Variants in KCTD8 observed in about 807,000 individuals in gnomAD.
KCTD8 encodes BTB/POZ domain-containing protein KCTD8.
In KCTD8, 27 loss-of-function variants were observed where a neutral mutation model predicts 31.5. The observed-to-expected ratio is 0.86, with a 90% CI of 0.63 to 1.18. The LOEUF (loss-of-function observed/expected upper bound fraction) is 1.18, where lower values mean the gene tolerates loss of function less well. Ranked by LOEUF, KCTD8 falls within the 50% of genes most tolerant of loss-of-function variation. The probability of loss-of-function intolerance (pLI) is 0.00; values close to 1 mark genes in which losing one functional copy is unlikely to be tolerated. For missense variants in KCTD8, 658 were observed against 647.7 expected, an observed-to-expected ratio of 1.02 and a Z score of -0.17; for synonymous variants, 290 against 280.0, an observed-to-expected ratio of 1.04 and a Z score of -0.36.
intron 1 of KCTD8, among the ~76,000 whole-genome samples, chr4:44,221,419 G>T (rs1294222914): frequency 6.6e-6 from 1 of 151,966 alleles, no homozygotes; most frequent in African/African-American, 2.4e-5. Context: ...GGGTTCTCTA[G>T]AGGGACGGGA....
intron 1 of KCTD8, among the ~76,000 whole-genome samples, chr4:44,424,572 T>C (rs933803428): frequency 3.3e-5 from 5 of 151,654 alleles, no homozygotes; most frequent in Non-Finnish European, 7.4e-5. Flanking sequence ...ATGTATGAGG[T>C]TTTTCTCTCT....
chr4:44,184,197 G>A (rs1394760246), intron 1 of KCTD8, among the ~76,000 whole-genome samples: 1 of 152,174 alleles, frequency 6.6e-6, no homozygotes, highest in Non-Finnish European at 1.5e-5. Flanking sequence ...AAAATAAAAA[G>A]AGGCTGATTT....
intron 1 of KCTD8, among the ~76,000 whole-genome samples, chr4:44,227,288 A>C (rs371028464): frequency 6.6e-6 from 1 of 152,172 alleles, no homozygotes; most frequent in African/African-American, 2.4e-5. Context: ...ACCATTTATT[A>C]AATAGGGAAT....
intron 1 of KCTD8, among the ~76,000 whole-genome samples, chr4:44,403,553 G>C (rs539606673): frequency 6.6e-6 from 1 of 151,934 alleles, no homozygotes; most frequent in Non-Finnish European, 1.5e-5. Context: ...CCTTCCCTTT[G>C]GCTTTGCAAT....
intron 1 of KCTD8, among the ~76,000 whole-genome samples, chr4:44,336,781 T>C (rs1260867071): frequency 6.6e-6 from 1 of 152,092 alleles, no homozygotes; most frequent in Non-Finnish European, 1.5e-5. Flanking sequence ...AATAAATGTA[T>C]GATATCTACA....
chr4:44,430,621 T>C (rs1052687024), intron 1 of KCTD8, among the ~76,000 whole-genome samples: 24 of 151,754 alleles, frequency 1.6e-4, no homozygotes, highest in African/African-American at 5.3e-4. Context: ...TTGGTGATCC[T>C]TCTACCTAGA....
chr4:44,431,092 G>A (rs374905743), intron 1 of KCTD8, among the ~76,000 whole-genome samples: 4 of 151,492 alleles, frequency 2.6e-5, no homozygotes, highest in Non-Finnish European at 4.4e-5. Context: ...AAAACTTTAC[G>A]ATACGTAAGA....
intron 1 of KCTD8, among the ~76,000 whole-genome samples, chr4:44,438,244 G>T (rs2109482418): frequency 6.6e-6 from 1 of 152,294 alleles, no homozygotes; most frequent in South Asian, 2.1e-4. Context: ...AATTAGAGCT[G>T]ATTGACAGCT....
At chr4:44,197,621 G>A (rs111989307) in intron 1 of KCTD8, among the ~76,000 whole-genome samples, 104 of 152,276 alleles carry the variant, frequency 6.8e-4, no homozygotes, top group African/African-American at 2.4e-3. Context: ...TAAAGATCCT[G>A]TACAGAGCCT....
chr4:44,443,632 T>C (rs948144394), intron 1 of KCTD8, among the ~76,000 whole-genome samples: 6 of 152,156 alleles, frequency 3.9e-5, no homozygotes, highest in African/African-American at 1.4e-4. Context: ...ATTTAAAGAA[T>C]ATCAAGTACA....
At chr4:44,383,301 G>T (rs936548531) in intron 1 of KCTD8, among the ~76,000 whole-genome samples, 1 of 151,922 alleles carries the variant, frequency 6.6e-6, no homozygotes, top group African/African-American at 2.4e-5. Context: ...ATTCTTCACA[G>T]AAATAGAAAA....
At chr4:44,378,027 G>C (rs569430496) in intron 1 of KCTD8, among the ~76,000 whole-genome samples, 1 of 151,554 alleles carries the variant, frequency 6.6e-6, no homozygotes, top group East Asian at 1.9e-4. Context: ...CGTATGTAAA[G>C]TTAATTTTTT....
intron 1 of KCTD8, among the ~76,000 whole-genome samples, chr4:44,209,042 CTGTT>C (rs1341147714): frequency 2.0e-4 from 30 of 152,080 alleles, no homozygotes; most frequent in Admixed American, 1.0e-3. Context: ...TTATGTATTT[CTGTT>C]TAAGTATCCT....
chr4:44,210,723 A>C (rs1299838023), intron 1 of KCTD8, among the ~76,000 whole-genome samples: 3 of 152,136 alleles, frequency 2.0e-5, no homozygotes, highest in African/African-American at 7.2e-5. Flanking sequence ...TTATGATAGG[A>C]AGACAGGAGG....
Position 44,351,976 on chromosome 4 carries a change from A to G in KCTD8, c.961+95587T>C, listed in dbSNP as rs949549162. On this transcript the variant is annotated intron_variant, in intron 1 of 1. Coordinates refer to ENST00000360029, the MANE Select transcript of KCTD8 (RefSeq NM_198353.3). ...AAGTATTTCTTTTATTTATTTATTTATTTTATTTATTGGTAATGAATATTT... is the reference window on the plus strand; with the variant it reads ...AAGTATTTCTTTTATTTATTTATTTGTTTTATTTATTGGTAATGAATATTT... 3.9e-5 allele frequency among the ~76,000 whole-genome samples: 6 copies of G among 152,012 alleles called. No homozygotes were observed. In the East Asian group the frequency reaches 1.2e-3, roughly 29 times the overall value.
intron 1 of KCTD8, among the ~76,000 whole-genome samples, chr4:44,203,495 C>CAAAAAAAAAAAAAAAAAAA (rs554145266): frequency 2.2e-5 from 1 of 44,724 alleles, no homozygotes; most frequent in Non-Finnish European, 4.9e-5. Context: ...GACTCCATCT[C>CAAAAAAAAAAAAAAAAAAA]AAAAAAAAAA....
chr4:44,296,290 ATTCCT>A (rs1042109361), intron 1 of KCTD8, among the ~76,000 whole-genome samples: 5 of 151,384 alleles, frequency 3.3e-5, no homozygotes, highest in African/African-American at 1.2e-4. Context: ...ACCACACTGA[ATTCCT>A]TTCTAGCCAA....
intron 1 of KCTD8, among the ~76,000 whole-genome samples, chr4:44,199,590 C>T (rs1714070428): frequency 6.6e-6 from 1 of 152,000 alleles, no homozygotes; most frequent in African/African-American, 2.4e-5. Flanking sequence ...TAGATCAAAA[C>T]ATTTTTTGAA....
intron 1 of KCTD8, among the ~76,000 whole-genome samples, chr4:44,197,975 A>G (rs1350878805): frequency 6.6e-6 from 1 of 152,226 alleles, no homozygotes; most frequent in Non-Finnish European, 1.5e-5. Context: ...AACTTCTGGA[A>G]TTGAAGAATT....
Sources: allele counts gnomAD v4.1 joint callset (sites outside exome capture counted in the v4.1 genomes callset), GRCh38; gene constraint gnomAD v4.1.1; transcripts MANE v1.5; gene names NCBI Gene and HGNC (gene_info 2026-07-23, HGNC 2026-07-21).